Variants in MAPK8 observed in about 807,000 individuals in gnomAD.
The protein encoded by MAPK8 is mitogen-activated protein kinase 8, also known as JUN N-terminal kinase.
Under a neutral mutation model 52.9 loss-of-function variants are expected in MAPK8, and 13 were observed. That is an observed-to-expected ratio of 0.25 (90% CI 0.16 to 0.39). The LOEUF (loss-of-function observed/expected upper bound fraction) is 0.39, where lower values mean the gene tolerates loss of function less well. Among genes scored for constraint, MAPK8 ranks in the 10% least tolerant of loss-of-function variants. The pLI is 1.00. For missense variants in MAPK8, 300 were observed against 519.2 expected, an observed-to-expected ratio of 0.58 and a Z score of 4.10; for synonymous variants, 191 against 169.8, an observed-to-expected ratio of 1.12 and a Z score of -0.97.
rs188365162 is a variant in MAPK8 at position 48,335,876 on chromosome 10, T to C, written c.-50+29055T>C. 2.6e-5 allele frequency among the ~76,000 whole-genome samples: 4 copies of C among 152,326 alleles called. No individual in the cohort carries two copies. The East Asian group carries it at 7.7e-4, about 29-fold the overall frequency. Reference sequence around the variant, plus strand: ...TGAAACTATATTAATAAATTTTTCATATTCTATTATATTAAAATCCATTTG... The same window carrying C: ...TGAAACTATATTAATAAATTTTTCACATTCTATTATATTAAAATCCATTTG... On this transcript the variant is annotated intron_variant, in intron 1 of 11. Coordinates refer to ENST00000374189, the MANE Select transcript of MAPK8 (RefSeq NM_001323329.2).
At chr10:48,313,411 C>A (rs1048772679) in intron 1 of MAPK8, among the ~76,000 whole-genome samples, 1 of 110 alleles carries the variant, frequency 9.1e-3, no homozygotes, top group African/African-American at 0.036. Context: ...CCAGCCTGGG[C>A]GGCAGAGGTG....
intron 1 of MAPK8, among the ~76,000 whole-genome samples, chr10:48,311,565 C>G (rs1031202818): frequency 8.5e-5 from 13 of 152,162 alleles, no homozygotes; most frequent in Non-Finnish European, 1.5e-4. Flanking sequence ...CTACGAATAG[C>G]TTTATCATGT....
At chr10:48,366,317 T>C (rs766995560) in intron 1 of MAPK8, among the ~76,000 whole-genome samples, 1 of 151,982 alleles carries the variant, frequency 6.6e-6, no homozygotes, top group Non-Finnish European at 1.5e-5. Context: ...AGGAAAAAGG[T>C]TCTAGAAGCA....
At chr10:48,408,621 T>G (rs1217759552) in intron 3 of MAPK8, among the ~76,000 whole-genome samples, 2 of 152,176 alleles carry the variant, frequency 1.3e-5, no homozygotes, top group Admixed American at 6.5e-5. Flanking sequence ...GGCTTTAAAT[T>G]TTTGAGGAGG....
chr10:48,363,048 T>C (rs550962235), intron 1 of MAPK8, among the ~76,000 whole-genome samples: 3 of 152,280 alleles, frequency 2.0e-5, no homozygotes, highest in African/African-American at 7.2e-5. Context: ...GTGGTATTTA[T>C]TTTTTAGAAA....
chr10:48,424,365 A>G, intron 7 of MAPK8: 1 of 643,782 alleles, frequency 1.6e-6, no homozygotes, highest in Non-Finnish European at 2.6e-6. Flanking sequence ...CTCTGCTGGT[A>G]GTCAGAGCAC....
intron 1 of MAPK8, among the ~76,000 whole-genome samples, chr10:48,375,609 A>G: frequency 6.6e-6 from 1 of 152,186 alleles, no homozygotes; most frequent in East Asian, 1.9e-4. Flanking sequence ...AGACAGCCAA[A>G]TCATGAGTGA....
At chr10:48,385,682 T>TA (rs368757124) in intron 1 of MAPK8, among the ~76,000 whole-genome samples, 10 of 152,194 alleles carry the variant, frequency 6.6e-5, no homozygotes, top group African/African-American at 2.4e-4. Flanking sequence ...AGATAGAGCA[T>TA]AAAATTCAAG....
chr10:48,360,863 G>A (rs989871024), intron 1 of MAPK8, among the ~76,000 whole-genome samples: 1 of 152,204 alleles, frequency 6.6e-6, no homozygotes. Context: ...GGGTGTGAGA[G>A]GAGGAGATGA....
intron 3 of MAPK8, among the ~76,000 whole-genome samples, chr10:48,405,465 A>T (rs2042415089): frequency 6.6e-6 from 1 of 152,190 alleles, no homozygotes; most frequent in Non-Finnish European, 1.5e-5. Flanking sequence ...CTTTATGATG[A>T]GGATAGTGGG....
intron 1 of MAPK8, among the ~76,000 whole-genome samples, chr10:48,328,214 T>TCTAC (rs1843724035): frequency 6.6e-6 from 1 of 152,178 alleles, no homozygotes; most frequent in Non-Finnish European, 1.5e-5. Context: ...AATGGGGATT[T>TCTAC]CACCATGTTG....
rs77396371 is a variant in MAPK8 at position 48,371,056 on chromosome 10, G to A, written c.-49-30556G>A. On this transcript the variant is annotated intron_variant, in intron 1 of 11. Transcript: ENST00000374189. Reference sequence around the variant, plus strand: ...CACCGGATTTGTGAGTGGCTTTCCAGAGGGTTTAGTGGAGCATGAAAGGAG... The same window carrying A: ...CACCGGATTTGTGAGTGGCTTTCCAAAGGGTTTAGTGGAGCATGAAAGGAG... Among the ~76,000 whole-genome samples, 1,355 of 152,228 alleles carry A rather than the reference G, an allele frequency of 8.9e-3. 19 individuals are homozygous for A. The highest frequency in any genetic ancestry group is 0.031 in the African/African-American group (1,302 of 41,552).
intron 1 of MAPK8, among the ~76,000 whole-genome samples, chr10:48,320,477 T>C (rs368549562): frequency 6.6e-6 from 1 of 151,986 alleles, no homozygotes; most frequent in Non-Finnish European, 1.5e-5. Flanking sequence ...CCTCAAGTTA[T>C]CCTCCCACCT....
At chr10:48,423,281 C>G (rs1045921926) in intron 6 of MAPK8, among the ~76,000 whole-genome samples, 1 of 152,206 alleles carries the variant, frequency 6.6e-6, no homozygotes, top group Non-Finnish European at 1.5e-5. Flanking sequence ...CCAGGAGACT[C>G]TTCATACTCA....
In MAPK8 at chr10:48,395,210, T is replaced by C. The variant is rs1053074559; in HGVS notation, c.-49-6402T>C. Among the ~76,000 whole-genome samples, 9 of 152,018 alleles carry C rather than the reference T, an allele frequency of 5.9e-5. 1 individual carries two copies. The highest frequency in any genetic ancestry group is 1.3e-4 in the Non-Finnish European group (9 of 67,880). Reference sequence around the variant, plus strand: ...AAAGGACCTAGAATAGCTGACAATTTTAAAAAAGAACAAAGTTTAATGACT... The same window carrying C: ...AAAGGACCTAGAATAGCTGACAATTCTAAAAAAGAACAAAGTTTAATGACT... On this transcript the variant is annotated intron_variant, in intron 1 of 11. Coordinates refer to ENST00000374189, the MANE Select transcript of MAPK8 (RefSeq NM_001323329.2).
chr10:48,401,421 A>T lies in MAPK8; in HGVS notation c.-49-191A>T, dbSNP rs139432808. ...TCCTAATGTTTCTTTTTTAAAAAAA[A>T]CTATCAGTCATTCATATGGCATATG... On this transcript the variant is annotated intron_variant, in intron 1 of 11. Coordinates refer to ENST00000374189, the MANE Select transcript of MAPK8 (RefSeq NM_001323329.2). Among the ~76,000 whole-genome samples, 1,242 of 152,252 alleles carry T rather than the reference A, an allele frequency of 8.2e-3. 18 individuals are homozygous for T. The highest frequency in any genetic ancestry group is 0.028 in the African/African-American group (1,173 of 41,542).
intron 1 of MAPK8, among the ~76,000 whole-genome samples, chr10:48,400,547 C>G (rs972732598): frequency 6.6e-6 from 1 of 152,198 alleles, no homozygotes; most frequent in African/African-American, 2.4e-5. Context: ...CATTCTCATG[C>G]TCTCTCCAGT....
At chr10:48,317,399 G>C (rs566627859) in intron 1 of MAPK8, among the ~76,000 whole-genome samples, 2 of 24,116 alleles carry the variant, frequency 8.3e-5, no homozygotes, top group East Asian at 4.1e-3. Flanking sequence ...TCCTGGCCTC[G>C]TGATCTTACC....
At chr10:48,325,254 T>A (rs1843398567) in intron 1 of MAPK8, among the ~76,000 whole-genome samples, 1 of 152,164 alleles carries the variant, frequency 6.6e-6, no homozygotes, top group South Asian at 2.1e-4. Context: ...TCCTTCTTGA[T>A]CAATTAATAT....
Sources: gnomAD v4.1 joint callset for allele counts (sites outside exome capture counted in the v4.1 genomes callset) on GRCh38, gnomAD v4.1.1 for gene constraint, MANE v1.5 for transcripts, NCBI Gene and HGNC (gene_info 2026-07-23, HGNC 2026-07-21) for gene names.